Variants in ASPH observed in about 807,000 individuals in gnomAD.
ASPH encodes the protein aspartyl/asparaginyl beta-hydroxylase.
In ASPH, 100 loss-of-function variants were observed where a neutral mutation model predicts 118.4. The observed-to-expected ratio is 0.84, with a 90% confidence interval of 0.72 to 1.00. ASPH has a LOEUF of 1.00. ASPH is among the 50% of genes least tolerant of loss of function. The pLI, the probability that ASPH is intolerant of heterozygous loss-of-function variation, is 0.00. For missense variants in ASPH, 920 were observed against 919.5 expected, an observed-to-expected ratio of 1.00 and a Z score of -0.01; for synonymous variants, 315 against 325.6, an observed-to-expected ratio of 0.97 and a Z score of 0.35.
At chr8:61,577,416 A>AAAAAAAAAAC in intron 15 of ASPH, among the ~76,000 whole-genome samples, 1 of 149,412 alleles carries the variant, frequency 6.7e-6, no homozygotes, top group African/African-American at 2.4e-5. Context: ...AAAAAAAAAA[A>AAAAAAAAAAC]AAAAAAAGAC....
chr8:61,580,775 C>T (rs1400112902), intron 15 of ASPH, among the ~76,000 whole-genome samples: 1 of 152,178 alleles, frequency 6.6e-6, no homozygotes, highest in Non-Finnish European at 1.5e-5. Context: ...TTCCCTCTGT[C>T]CCTCTCTTAT....
intron 14 of ASPH, among the ~76,000 whole-genome samples, chr8:61,601,004 T>C (rs1464563097): frequency 6.6e-6 from 1 of 151,324 alleles, no homozygotes; most frequent in African/African-American, 2.5e-5. Flanking sequence ...ATAAAGGGGA[T>C]TATTTCATAA....
rs918110906 is a variant in ASPH at position 61,714,402 on chromosome 8, G to C, written c.-31C>G. On this transcript the variant is annotated 5_prime_UTR_variant, in exon 1 of 25. Transcript: ENST00000379454. ...GGTCCGCGGGGGCTGGTGAGGGCTG[G>C]CGGACCTCCTTCAGTGCGCGGGGGT... 1.7e-4 allele frequency: 256 copies of C among 1,467,552 alleles called. No individual in the cohort carries two copies. Among genetic ancestry groups the C allele is most frequent in the Non-Finnish European group, 2.1e-4 (230 of 1,106,722 alleles). 90.9% of individuals were successfully genotyped at this position (1,467,552 alleles called of 1,614,324 possible).
At chr8:61,678,164 C>G (rs4451304) in intron 3 of ASPH, among the ~76,000 whole-genome samples, 127,875 of 151,866 alleles carry the variant, frequency 0.84, 54,050 homozygotes, top group African/African-American at 0.9. Flanking sequence ...TTGCTTTCCA[C>G]CCATACCTGA....
intron 3 of ASPH, among the ~76,000 whole-genome samples, chr8:61,680,245 T>G (rs1262897691): frequency 1.3e-5 from 2 of 151,808 alleles, no homozygotes; most frequent in African/African-American, 4.8e-5. Flanking sequence ...ATAAAAAGTT[T>G]TAACATATAT....
intron 16 of ASPH, among the ~76,000 whole-genome samples, chr8:61,574,815 G>A (rs1403265212): frequency 8.6e-5 from 13 of 151,916 alleles, no homozygotes; most frequent in Admixed American, 8.5e-4. Context: ...TCCATGTTCT[G>A]CACATGTATC....
intron 14 of ASPH, among the ~76,000 whole-genome samples, chr8:61,614,702 G>C (rs1260114766): frequency 2.0e-5 from 3 of 152,218 alleles, no homozygotes; most frequent in African/African-American, 7.2e-5. Context: ...ATGTGGCCCA[G>C]GCTGGCCTCA....
Position 61,614,826 on chromosome 8 carries a change from C to T in ASPH, c.976+4152G>A, listed in dbSNP as rs1848521703. 2.0e-5 allele frequency among the ~76,000 whole-genome samples: 3 copies of T among 152,220 alleles called. No individual in the cohort carries two copies. The South Asian group carries it at 6.2e-4, about 32-fold the overall frequency. On this transcript the variant is annotated intron_variant, in intron 14 of 24. Transcript: ENST00000379454. ...TTTGACCTCTCTCACTCCATTATTCCACCCATTATCAAACCCTACTAACTT... is the reference window on the plus strand; with the variant it reads ...TTTGACCTCTCTCACTCCATTATTCTACCCATTATCAAACCCTACTAACTT...
At chr8:61,618,623 T>C (rs1410960757) in intron 14 of ASPH, among the ~76,000 whole-genome samples, 2 of 152,240 alleles carry the variant, frequency 1.3e-5, no homozygotes, top group Non-Finnish European at 2.9e-5. Context: ...ACTTTACGTA[T>C]ATTTTCATTT....
At chr8:61,653,462 G>A in intron 4 of ASPH, 106 bp downstream of exon 4, 2 of 1,050,028 alleles carry the variant, frequency 1.9e-6, no homozygotes, top group Non-Finnish European at 2.8e-6. Flanking sequence ...TAATTATTCT[G>A]TAAATGATGT....
chr8:61,579,557 C>G lies in ASPH; in HGVS notation c.1063-2699G>C, dbSNP rs55652503. On this transcript the variant is annotated intron_variant, in intron 15 of 24. Transcript: ENST00000379454. ...GCCTGGGCTCCAGCTTTGGCTCTGG[C>G]GCAGGCTCCAGCTCCCTCAGCCGCA... 36 of 1,525,360 alleles carry G rather than the reference C, an allele frequency of 2.4e-5. No individual in the cohort carries two copies. In the African/African-American group the frequency reaches 3.4e-4, roughly 14 times the overall value. 94.5% of individuals were successfully genotyped at this position (1,525,360 alleles called of 1,614,324 possible).
chr8:61,557,485 G>A (rs1008606324), intron 18 of ASPH, among the ~76,000 whole-genome samples: 2 of 152,182 alleles, frequency 1.3e-5, no homozygotes, highest in African/African-American at 2.4e-5. Context: ...CCTTACCTCC[G>A]TGAAGCCTAC....
At chr8:61,558,928 C>T (rs1272444964) in intron 18 of ASPH, among the ~76,000 whole-genome samples, 3 of 152,174 alleles carry the variant, frequency 2.0e-5, no homozygotes, top group Admixed American at 1.3e-4. Context: ...TCCTCTTCCT[C>T]GGCCTAGTTA....
chr8:61,588,608 G>A (rs138773035), intron 14 of ASPH, among the ~76,000 whole-genome samples: 94 of 152,292 alleles, frequency 6.2e-4, no homozygotes, highest in Non-Finnish European at 1.0e-3. Context: ...CCTGACTCGA[G>A]TCTGTTCCCA....
chr8:61,663,628 T>C (rs770529297), intron 3 of ASPH: 11 of 985,272 alleles, frequency 1.1e-5, no homozygotes, highest in Non-Finnish European at 1.3e-5. Flanking sequence ...TGGTTTACAA[T>C]GTTCTTGTAA....
intron 12 of ASPH, among the ~76,000 whole-genome samples, chr8:61,637,243 C>A (rs1858235811): frequency 6.6e-6 from 1 of 152,072 alleles, no homozygotes. Context: ...CCACAGGTCC[C>A]AGTCTTGGGT....
At chr8:61,646,372 G>T (rs1807993567) in intron 6 of ASPH, among the ~76,000 whole-genome samples, 1 of 152,110 alleles carries the variant, frequency 6.6e-6, no homozygotes, top group Non-Finnish European at 1.5e-5. Context: ...ATTGTGTTTT[G>T]CTCACTGTAA....
chr8:61,549,200 G>A (rs1701893584), intron 20 of ASPH, among the ~76,000 whole-genome samples: 2 of 152,202 alleles, frequency 1.3e-5, no homozygotes, highest in African/African-American at 4.8e-5. Flanking sequence ...CACTTTAGAT[G>A]TAAAAAATGT....
At chr8:61,526,674 A>C (rs1166586867) in intron 21 of ASPH, among the ~76,000 whole-genome samples, 1 of 152,238 alleles carries the variant, frequency 6.6e-6, no homozygotes, top group Non-Finnish European at 1.5e-5. Flanking sequence ...GAATTCAGCC[A>C]AACAAAAATA....
Sources: allele counts gnomAD v4.1 joint callset (sites outside exome capture counted in the v4.1 genomes callset), GRCh38; gene constraint gnomAD v4.1.1; transcripts MANE v1.5; gene names NCBI Gene and HGNC (gene_info 2026-07-23, HGNC 2026-07-21).